Variants in UGGT1 observed in about 807,000 individuals in gnomAD.
The protein encoded by UGGT1 is UDP-glucose glycoprotein glucosyltransferase 1.
UGGT1 carries 107 observed loss-of-function variants against 203.9 expected under a neutral mutation model. The ratio of observed to expected loss-of-function variants is 0.52; its 90% CI spans 0.45 to 0.62. The LOEUF (loss-of-function observed/expected upper bound fraction) is 0.62, where lower values mean the gene tolerates loss of function less well. Among genes scored for constraint, UGGT1 ranks in the 20% least tolerant of loss-of-function variants. The pLI is 0.00. For synonymous variants in UGGT1, 628 were observed against 653.5 expected, an observed-to-expected ratio of 0.96 and a Z score of 0.59; for missense variants, 1,673 against 1,867.2, an observed-to-expected ratio of 0.90 and a Z score of 1.92.
At chr2:128,145,289 T>G (rs1337853068) in intron 17 of UGGT1, among the ~76,000 whole-genome samples, 1 of 152,162 alleles carries the variant, frequency 6.6e-6, no homozygotes, top group Non-Finnish European at 1.5e-5. Flanking sequence ...ACATGTAGAT[T>G]TTAAAATGGA....
At chr2:128,114,412 T>C (rs12692073) in intron 6 of UGGT1, among the ~76,000 whole-genome samples, 136,992 of 152,162 alleles carry the variant, frequency 0.9, 62,450 homozygotes, top group Non-Finnish European at 0.98. Context: ...GTCACTGTGC[T>C]TGGCCATAAA....
chr2:128,100,910 T>C (rs1687350506), intron 2 of UGGT1, among the ~76,000 whole-genome samples: 1 of 152,254 alleles, frequency 6.6e-6, no homozygotes, highest in Non-Finnish European at 1.5e-5. Context: ...CTTTGATCAC[T>C]GTGAAGTGGA....
chr2:128,128,097 CTG>C (rs904007329), intron 12 of UGGT1, among the ~76,000 whole-genome samples: 2 of 151,024 alleles, frequency 1.3e-5, no homozygotes, highest in African/African-American at 4.9e-5. Flanking sequence ...CAAAAAAAAA[CTG>C]TCTCTTGTGT....
rs1312050382 is a variant in UGGT1 at position 128,108,550 on chromosome 2, CAAGTT to C, written c.408+486_408+490del. ...AAGAAAAAGAGGGACAGAGGAACCT[CAAGTT>C]AAGAGAGACTTAAGAAGAGACAGTC... On this transcript the variant is annotated intron_variant, in intron 4 of 40. Transcript: ENST00000259253. Among the ~76,000 whole-genome samples the C allele has an allele frequency of 5.2e-5, 7 of 133,568 alleles. No homozygotes were observed. The East Asian group carries it at 6.8e-4, about 13-fold the overall frequency. The allele number at this position is 133,568 out of a possible 152,430, so 87.6% of individuals were successfully genotyped here.
chr2:128,111,811 A>T (rs958986660), intron 5 of UGGT1, among the ~76,000 whole-genome samples: 1 of 151,582 alleles, frequency 6.6e-6, no homozygotes, highest in South Asian at 2.1e-4. Flanking sequence ...TATATTTTTA[A>T]ATAAAAAGCT....
At chr2:128,188,743 A>G (rs1298814852) in intron 40 of UGGT1, among the ~76,000 whole-genome samples, 1 of 152,208 alleles carries the variant, frequency 6.6e-6, no homozygotes, top group African/African-American at 2.4e-5. Context: ...CTGGAGGTCA[A>G]GGTTGCAGTG....
intron 25 of UGGT1, among the ~76,000 whole-genome samples, chr2:128,163,137 G>A (rs895537615): frequency 5.9e-5 from 9 of 152,152 alleles, no homozygotes; most frequent in African/African-American, 1.2e-4. Context: ...TCCAGTCCAC[G>A]TAACCAAGTG....
intron 1 of UGGT1, among the ~76,000 whole-genome samples, chr2:128,093,522 C>T (rs1291660739): frequency 2.6e-5 from 4 of 152,202 alleles, no homozygotes; most frequent in African/African-American, 4.8e-5. Flanking sequence ...GCTTCGGTCC[C>T]AGCTTCAGGC....
At chr2:128,175,001 A>G (rs1048753317) in intron 31 of UGGT1, 143 bp downstream of exon 31, 15 of 641,302 alleles carry the variant, frequency 2.3e-5, no homozygotes, top group South Asian at 4.4e-5. Flanking sequence ...TTTTCCAGGA[A>G]ATTAAATATG....
intron 38 of UGGT1, among the ~76,000 whole-genome samples, chr2:128,186,164 G>T (rs1691973175): frequency 6.6e-6 from 1 of 152,166 alleles, no homozygotes. Context: ...TGCTTATTAT[G>T]GGCAGATGTT....
intron 35 of UGGT1, among the ~76,000 whole-genome samples, chr2:128,180,128 T>C (rs1691613117): frequency 6.6e-6 from 1 of 152,240 alleles, no homozygotes; most frequent in East Asian, 1.9e-4. Context: ...CTTACTGAGA[T>C]AACGTTTCCT....
At chr2:128,114,126 A>G (rs1051699037) in intron 6 of UGGT1, among the ~76,000 whole-genome samples, 13 of 151,934 alleles carry the variant, frequency 8.6e-5, no homozygotes, top group Non-Finnish European at 1.5e-4. Flanking sequence ...TTATTGATTT[A>G]TTTATTTTTG....
intron 18 of UGGT1, among the ~76,000 whole-genome samples, chr2:128,150,535 GA>G (rs1689898369): frequency 6.6e-6 from 1 of 151,502 alleles, no homozygotes; most frequent in Non-Finnish European, 1.5e-5. Context: ...TACTACTCAT[GA>G]TTTCTTCCTC....
chr2:128,125,988 G>T (rs1688579596), intron 11 of UGGT1, among the ~76,000 whole-genome samples: 1 of 150,150 alleles, frequency 6.7e-6, no homozygotes, highest in African/African-American at 2.5e-5. Context: ...TGTCGCCCAG[G>T]CTGGAGTGCA....
chr2:128,138,661 T>C (rs1434618673), intron 15 of UGGT1, 56 bp from the exon 16 acceptor site: 1 of 1,584,334 alleles, frequency 6.3e-7, no homozygotes, highest in African/African-American at 1.4e-5. Flanking sequence ...TGTCATTCTT[T>C]TTAACCATTT....
intron 19 of UGGT1, among the ~76,000 whole-genome samples, chr2:128,154,862 T>A (rs1263424636): frequency 6.6e-6 from 1 of 152,148 alleles, no homozygotes; most frequent in African/African-American, 2.4e-5. Context: ...TTTACAGTAC[T>A]AGGCTGTAAG....
chr2:128,117,492 G>C (rs1053183275), intron 8 of UGGT1, among the ~76,000 whole-genome samples: 4 of 150,776 alleles, frequency 2.7e-5, no homozygotes, highest in Non-Finnish European at 5.9e-5. Context: ...ATCATAACCT[G>C]TTAATGTAAG....
At chr2:128,147,454 C>CT (rs1169907550) in intron 18 of UGGT1, among the ~76,000 whole-genome samples, 1 of 152,062 alleles carries the variant, frequency 6.6e-6, no homozygotes, top group East Asian at 1.9e-4. Flanking sequence ...TATTTAAATT[C>CT]TTTTTCTAAT....
rs1251711581 is a variant in UGGT1, at chr2:128,194,014, A to T, written c.*4272A>T. 2.0e-5 allele frequency: 3 copies of T among 152,150 alleles called. No homozygotes were observed. The highest frequency in any genetic ancestry group is 7.2e-5 in the African/African-American group (3 of 41,436). 9.4% of individuals were successfully genotyped at this position (152,150 alleles called of 1,614,324 possible). A position where few individuals can be genotyped will look rare whatever the true frequency, so the allele number is the denominator to read the frequency against. On this transcript the variant is annotated 3_prime_UTR_variant, in exon 41 of 41. Transcript: ENST00000259253. ...GGAAATGTATTGGTAAAGCTACCTG[A>T]TGGAAGCTTTCTCTTGGTAACAAAA...
Sources: gnomAD v4.1 joint callset for allele counts (sites outside exome capture counted in the v4.1 genomes callset) on GRCh38, gnomAD v4.1.1 for gene constraint, MANE v1.5 for transcripts, NCBI Gene and HGNC (gene_info 2026-07-23, HGNC 2026-07-21) for gene names.